PBRM1: variants seen among roughly 807,000 people sequenced by gnomAD.
PBRM1 encodes protein polybromo-1.
PBRM1 carries 27 observed loss-of-function variants against 194.5 expected under a neutral mutation model. The ratio of observed to expected loss-of-function variants is 0.14; its 90% CI spans 0.10 to 0.19. PBRM1 has a LOEUF of 0.19. Ranked by LOEUF, PBRM1 falls within the 10% of genes least tolerant of loss-of-function variation. The probability of loss-of-function intolerance (pLI) is 1.00; values close to 1 mark genes in which losing one functional copy is unlikely to be tolerated. For synonymous variants in PBRM1, 655 were observed against 693.2 expected, an observed-to-expected ratio of 0.94 and a Z score of 0.87; for missense variants, 1,466 against 2,077.2, an observed-to-expected ratio of 0.71 and a Z score of 5.72.
In PBRM1 at chr3:52,662,294, G is replaced by GA. The variant is rs758227657; in HGVS notation, c.385-19dup. 70,096 of 1,026,444 alleles carry GA rather than the reference G, an allele frequency of 0.068. No homozygotes were observed. Among genetic ancestry groups the GA allele is most frequent in the South Asian group, 0.087 (4,568 of 52,236 alleles). 63.6% of individuals were successfully genotyped at this position (1,026,444 alleles called of 1,614,324 possible). A position where few individuals can be genotyped will look rare whatever the true frequency, so the allele number is the denominator to read the frequency against. ...GAATCTGGCTGTATGTTAGCAAAGAGAAAAAAAAAAACACTTTAGTAATGT... is the reference window on the plus strand; with the variant it reads ...GAATCTGGCTGTATGTTAGCAAAGAGAAAAAAAAAAAACACTTTAGTAATGT... On this transcript the variant is annotated intron_variant, in intron 3 of 29. Transcript: ENST00000296302.
chr3:52,577,932 T>A (rs369508485), intron 21 of PBRM1, among the ~76,000 whole-genome samples: 1 of 152,118 alleles, frequency 6.6e-6, no homozygotes. Context: ...CAAATCCCTA[T>A]AATGGTCTCT....
At chr3:52,673,671 C>CA (rs1324914906) in intron 2 of PBRM1, among the ~76,000 whole-genome samples, 863 of 38,820 alleles carry the variant, frequency 0.022, 36 homozygotes, top group Non-Finnish European at 0.034. Context: ...GACTCCATCT[C>CA]AAAAAAAAAA....
chr3:52,601,816 G>C (rs1404013038), intron 17 of PBRM1, among the ~76,000 whole-genome samples: 5 of 152,180 alleles, frequency 3.3e-5, no homozygotes, highest in Non-Finnish European at 5.9e-5. Flanking sequence ...GGCAGTGGAT[G>C]TGGCAAGGGT....
chr3:52,550,677 CT>C, intron 28 of PBRM1, 40 bp from the exon 31 acceptor site: 1 of 1,575,818 alleles, frequency 6.3e-7, no homozygotes. Flanking sequence ...CAAAAAGAGA[CT>C]CTGCACATGT....
At chr3:52,563,884 A>G (rs2084333520) in intron 23 of PBRM1, among the ~76,000 whole-genome samples, 166 bp downstream of exon 25, 1 of 152,028 alleles carries the variant, frequency 6.6e-6, no homozygotes, top group Admixed American at 6.6e-5. Flanking sequence ...AGGTCCCAGC[A>G]GATTATGAAG....
chr3:52,625,540 G>GT (rs2095418830), intron 13 of PBRM1, among the ~76,000 whole-genome samples: 1 of 149,968 alleles, frequency 6.7e-6, no homozygotes, highest in African/African-American at 2.4e-5. Flanking sequence ...TTTGTCTGAA[G>GT]TAAGATTTTT....
chr3:52,567,255 A>T (rs556370308), intron 22 of PBRM1, among the ~76,000 whole-genome samples: 1 of 152,176 alleles, frequency 6.6e-6, no homozygotes, highest in East Asian at 1.9e-4. Context: ...TTCCCTATTG[A>T]TGGGTATCTA....
intron 22 of PBRM1, among the ~76,000 whole-genome samples, chr3:52,568,135 T>C (rs983352979): frequency 6.6e-6 from 1 of 152,030 alleles, no homozygotes; most frequent in Non-Finnish European, 1.5e-5. Context: ...CCTACCATCA[T>C]GTCCAGCTAA....
chr3:52,561,691 T>A, intron 25 of PBRM1, 76 bp downstream of exon 27: 2 of 1,283,004 alleles, frequency 1.6e-6, no homozygotes, highest in Non-Finnish European at 2.3e-6. Flanking sequence ...AGAACAAGAG[T>A]AAAACCTGTC....
At chr3:52,553,750 C>T (rs1434486489) in intron 27 of PBRM1, among the ~76,000 whole-genome samples, 5 of 151,694 alleles carry the variant, frequency 3.3e-5, no homozygotes, top group African/African-American at 1.2e-4. Context: ...CAACCTCTGC[C>T]TCCCAGGTTC....
intron 2 of PBRM1, among the ~76,000 whole-genome samples, chr3:52,675,723 G>A (rs538597034): frequency 2.6e-4 from 39 of 152,234 alleles, no homozygotes; most frequent in Admixed American, 5.2e-4. Flanking sequence ...TCACATACAC[G>A]GTCAAGCAAA....
chr3:52,632,601 G>A (rs762886096), intron 11 of PBRM1, among the ~76,000 whole-genome samples: 2 of 151,366 alleles, frequency 1.3e-5, no homozygotes, highest in Admixed American at 6.6e-5. Context: ...TGGGAGGTAT[G>A]GATAGAAAAT....
chr3:52,660,715 G>A (rs1416660648), intron 4 of PBRM1, among the ~76,000 whole-genome samples: 1 of 152,096 alleles, frequency 6.6e-6, no homozygotes, highest in Non-Finnish European at 1.5e-5. Flanking sequence ...GTTTCACCAT[G>A]TTGGCCAGGC....
At chr3:52,647,457 A>AAAAAAAAAT (rs1560745545) in intron 7 of PBRM1, among the ~76,000 whole-genome samples, 1 of 47,878 alleles carries the variant, frequency 2.1e-5, no homozygotes, top group Non-Finnish European at 3.5e-5. Context: ...AAAAAAAAAA[A>AAAAAAAAAT]ATATATATAT....
intron 22 of PBRM1, among the ~76,000 whole-genome samples, chr3:52,572,596 G>C (rs2087793227): frequency 1.3e-5 from 2 of 152,112 alleles, no homozygotes; most frequent in African/African-American, 4.8e-5. Flanking sequence ...GGCTGGTCTT[G>C]AACTCCTGAT....
At chr3:52,570,570 A>T (rs1006229172) in intron 22 of PBRM1, among the ~76,000 whole-genome samples, 1 of 152,220 alleles carries the variant, frequency 6.6e-6, no homozygotes, top group African/African-American at 2.4e-5. Flanking sequence ...TTTGGAATGG[A>T]GGTGGTATCT....
chr3:52,683,749 C>T (rs543989908), upstream of PBRM1, among the ~76,000 whole-genome samples: 45 of 150,848 alleles, frequency 3.0e-4, no homozygotes, highest in South Asian at 8.4e-3. Context: ...ACCAGAGAGG[C>T]AGAGATTGCA....
At chr3:52,611,895 A>T (rs1253388777) in intron 15 of PBRM1, among the ~76,000 whole-genome samples, 3 of 152,126 alleles carry the variant, frequency 2.0e-5, no homozygotes, top group African/African-American at 7.2e-5. Context: ...CTACAGCACA[A>T]ATCTAATTTC....
intron 24 of PBRM1, 81 bp downstream of exon 26, chr3:52,563,202 G>C (rs2084120859): frequency 2.1e-6 from 2 of 950,276 alleles, no homozygotes; most frequent in Non-Finnish European, 3.3e-6. Context: ...GGAGGGGCTG[G>C]ATGTCACTTT....
Sources: gnomAD v4.1 joint callset for allele counts (sites outside exome capture counted in the v4.1 genomes callset) on GRCh38, gnomAD v4.1.1 for gene constraint, MANE v1.5 for transcripts, NCBI Gene and HGNC (gene_info 2026-07-23, HGNC 2026-07-21) for gene names.